TCF25: variants seen among roughly 807,000 people sequenced by gnomAD.
The protein encoded by TCF25 is TCF25 ribosome quality control complex subunit, also known as ribosome quality control complex subunit TCF25.
In TCF25, 41 loss-of-function variants were observed where a neutral mutation model predicts 83.1. The ratio of observed to expected loss-of-function variants is 0.49; its 90% CI spans 0.38 to 0.64. TCF25 has a LOEUF of 0.64. Among genes scored for constraint, TCF25 ranks in the 30% least tolerant of loss-of-function variants. The pLI, the probability that TCF25 is intolerant of heterozygous loss-of-function variation, is 0.00. For synonymous variants in TCF25, 458 were observed against 365.0 expected (o/e 1.25, Z -2.90); for missense variants, 979 against 914.5 (o/e 1.07, Z -0.91).
At chr16:89,875,820 CTTTTTTT>C (rs1164528945) in intron 1 of TCF25, among the ~76,000 whole-genome samples, 5 of 64,864 alleles carry the variant, frequency 7.7e-5, no homozygotes, top group South Asian at 5.5e-4. Context: ...CTGCGCCTGG[CTTTTTTT>C]TTTTTTTTTT....
chr16:89,880,921 G>A (rs183082918), intron 1 of TCF25, among the ~76,000 whole-genome samples: 1 of 152,258 alleles, frequency 6.6e-6, no homozygotes, highest in Non-Finnish European at 1.5e-5. Flanking sequence ...AGCTTCGCCA[G>A]CAAAGGCCAG....
At chr16:89,875,508 C>T (rs968382307) in intron 1 of TCF25, among the ~76,000 whole-genome samples, 1 of 139,608 alleles carries the variant, frequency 7.2e-6, no homozygotes, top group African/African-American at 2.7e-5. Flanking sequence ...TATTCCCTGA[C>T]GTGAGTTTTT....
chr16:89,910,519 C>A, intron 16 of TCF25, 72 bp from the exon 17 acceptor site: 1 of 1,525,278 alleles, frequency 6.6e-7, no homozygotes, highest in Non-Finnish European at 9.1e-7. Context: ...TGGCAGGCAG[C>A]CCCGTGAGCC....
intron 7 of TCF25, 102 bp from the exon 8 acceptor site, chr16:89,894,936 C>A: frequency 1.0e-6 from 1 of 999,742 alleles, no homozygotes; most frequent in Non-Finnish European, 1.5e-6. Context: ...TGAGCCACTG[C>A]GCCCAGCCTC....
chr16:89,898,620 G>A lies in TCF25; in HGVS notation c.1086G>A (p.Thr362=), dbSNP rs768359395. ...SFLEKRGCPR[T]ALEYCKLILS... is the part of the protein sequence containing the mutation. ...TGGAGAAGCGAGGCTGCCCGCGCAC[G>A]GCGCTGGAGTACTGCAAGCTCATCC... Residue 362 remains threonine, a synonymous_variant, in exon 10 of 18, where the codon ACG becomes ACA. Coordinates refer to ENST00000263346, the MANE Select transcript of TCF25 (RefSeq NM_014972.3). 8.7e-6 allele frequency: 14 copies of A among 1,612,852 alleles called. No individual in the cohort carries two copies. The highest frequency in any genetic ancestry group is 6.7e-5 in the Admixed American group (4 of 60,014).
At chr16:89,882,942 C>T (rs1304464571) in intron 1 of TCF25, among the ~76,000 whole-genome samples, 2 of 152,162 alleles carry the variant, frequency 1.3e-5, no homozygotes, top group African/African-American at 4.8e-5. Flanking sequence ...CCTTTTTTTC[C>T]TGCCTGCTGC....
chr16:89,873,989 C>T, intron 1 of TCF25, 130 bp downstream of exon 1: 4 of 1,139,068 alleles, frequency 3.5e-6, no homozygotes, highest in Non-Finnish European at 4.7e-6. Flanking sequence ...GTCCCAGCCG[C>T]AGTGGGGAGG....
chr16:89,883,563 C>T lies in TCF25; in HGVS notation c.354+51C>T, dbSNP rs1372845972. The T allele has an allele frequency of 2.0e-6, 3 of 1,535,748 alleles. No individual in the cohort carries two copies. In the South Asian group the frequency reaches 3.6e-5, roughly 18 times the overall value. On this transcript the variant is annotated intron_variant, in intron 2 of 17. Coordinates refer to ENST00000263346, the MANE Select transcript of TCF25 (RefSeq NM_014972.3). ...GGCATCAGACGGGAGAGTTCCAAGG[C>T]ACCCAGCCACGTGTATCCTGTGCTG...
At chr16:89,878,648 T>C in intron 1 of TCF25, 2 of 1,089,498 alleles carry the variant, frequency 1.8e-6, no homozygotes, top group Non-Finnish European at 2.3e-6. Flanking sequence ...AGGTGTTTTG[T>C]TTTGTTTTTT....
At chr16:89,874,826 C>G (rs540194259) in intron 1 of TCF25, 1 of 151,788 alleles carries the variant, frequency 6.6e-6, no homozygotes, top group East Asian at 1.9e-4. Context: ...GTTGCCCAGG[C>G]TGGTCTAGAA....
At chr16:89,894,271 A>G (rs921496191) in intron 7 of TCF25, among the ~76,000 whole-genome samples, 11 of 121,116 alleles carry the variant, frequency 9.1e-5, no homozygotes, top group African/African-American at 1.6e-4. Context: ...GCGCAGCCCC[A>G]GACAGCCCCG....
intron 5 of TCF25, chr16:89,889,747 T>A: frequency 6.6e-6 from 1 of 152,612 alleles, no homozygotes; most frequent in Non-Finnish European, 1.5e-5. Context: ...ATGGGGTTTC[T>A]CCATGTTGGT....
At chr16:89,900,979 C>A in intron 12 of TCF25, 185 bp downstream of exon 12, 1 of 647,390 alleles carries the variant, frequency 1.5e-6, no homozygotes. Flanking sequence ...TCGGAACCCG[C>A]TGCGTGCCAA....
chr16:89,881,434 T>C (rs900825985), intron 1 of TCF25, among the ~76,000 whole-genome samples: 1 of 152,130 alleles, frequency 6.6e-6, no homozygotes, highest in Non-Finnish European at 1.5e-5. Flanking sequence ...TTGATGCTGG[T>C]CTCTGTTAGC....
intron 5 of TCF25, among the ~76,000 whole-genome samples, chr16:89,888,201 G>A (rs1221219734): frequency 6.6e-6 from 1 of 152,124 alleles, no homozygotes; most frequent in Non-Finnish European, 1.5e-5. Flanking sequence ...AGGAGGCAGA[G>A]GTTGCAATGA....
In TCF25 at chr16:89,885,915, C is replaced by T; in HGVS notation, c.497C>T (p.Pro166Leu). 6.2e-7 allele frequency: 1 copy of T among 1,606,732 alleles called. No individual in the cohort carries two copies. The highest frequency in any genetic ancestry group is 8.5e-7 in the Non-Finnish European group (1 of 1,176,476). ...GAGGACAGCACTGGGTTGAACCGTCCCGGCCCAGCTCCCCTGAGCTCCAGG... is the reference window on the plus strand; with the variant it reads ...GAGGACAGCACTGGGTTGAACCGTCTCGGCCCAGCTCCCCTGAGCTCCAGG... ...RIEDSTGLNRPGPAPLSSRKH... is the reference protein window; with the variant it reads ...RIEDSTGLNRLGPAPLSSRKH... The change falls in exon 4 of 18, where the codon CCC becomes CTC. Residue 166 changes from proline (P) to leucine (L), a missense_variant. Pro to Leu is a moderately conservative substitution (Grantham distance 98). Transcript: ENST00000263346.
intron 1 of TCF25, among the ~76,000 whole-genome samples, chr16:89,882,320 A>G (rs2042669030): frequency 6.6e-6 from 1 of 152,124 alleles, no homozygotes; most frequent in Non-Finnish European, 1.5e-5. Context: ...GGATCGCTTG[A>G]GGTCAGGAGC....
intron 1 of TCF25, chr16:89,878,554 T>A (rs2143931941): frequency 2.5e-6 from 3 of 1,220,150 alleles, no homozygotes. Flanking sequence ...CTAAAGAAGA[T>A]CAGTCGTGGA....
chr16:89,888,787 C>T (rs576573485), intron 5 of TCF25, among the ~76,000 whole-genome samples: 1 of 150,204 alleles, frequency 6.7e-6, no homozygotes, highest in East Asian at 2.0e-4. Flanking sequence ...GGCAATTCTG[C>T]CTCAGCCTCC....
Sources: allele counts gnomAD v4.1 joint callset (sites outside exome capture counted in the v4.1 genomes callset), GRCh38; gene constraint gnomAD v4.1.1; transcripts MANE v1.5; gene names NCBI Gene and HGNC (gene_info 2026-07-23, HGNC 2026-07-21).